DIP2C: variants seen among roughly 807,000 people sequenced by gnomAD.
The protein encoded by DIP2C is DIP2 acetate--CoA ligase C (putative).
DIP2C carries 33 observed loss-of-function variants against 192.4 expected under a neutral mutation model. The observed-to-expected ratio is 0.17, with a 90% CI of 0.13 to 0.23. DIP2C has a LOEUF of 0.23. Among genes scored for constraint, DIP2C ranks in the 10% least tolerant of loss-of-function variants. DIP2C has a pLI of 1.00. For missense variants in DIP2C, 1,537 were observed against 2,110.1 expected (o/e 0.73, Z 5.32); for synonymous variants, 979 against 864.1 (o/e 1.13, Z -2.33).
At chr10:332,131 T>C (rs1957535458) in intron 29 of DIP2C, among the ~76,000 whole-genome samples, 1 of 152,126 alleles carries the variant, frequency 6.6e-6, no homozygotes, top group Non-Finnish European at 1.5e-5. Context: ...AAAACTTTTT[T>C]TGTGGAGATG....
chr10:579,558 G>A (rs1231803737), intron 1 of DIP2C, among the ~76,000 whole-genome samples: 1 of 151,768 alleles, frequency 6.6e-6, no homozygotes, highest in Non-Finnish European at 1.5e-5. Flanking sequence ...TACATACATA[G>A]GTACACTATA....
intron 2 of DIP2C, among the ~76,000 whole-genome samples, chr10:472,881 C>CA (rs991509689): frequency 2.0e-5 from 3 of 152,312 alleles, no homozygotes; most frequent in Admixed American, 6.5e-5. Context: ...GACATAGACT[C>CA]AAGTTATGAC....
chr10:399,341 T>C, intron 9 of DIP2C, 122 bp from the exon 10 acceptor site: 1 of 675,948 alleles, frequency 1.5e-6, no homozygotes, highest in Non-Finnish European at 2.6e-6. Context: ...CTATGTAAAA[T>C]GCATTTCAGT....
At chr10:470,870 G>A (rs545332442) in intron 3 of DIP2C, among the ~76,000 whole-genome samples, 1 of 152,300 alleles carries the variant, frequency 6.6e-6, no homozygotes, top group Admixed American at 6.5e-5. Context: ...TGGCCTCTGT[G>A]AGAACTGAAG....
intron 3 of DIP2C, among the ~76,000 whole-genome samples, chr10:444,313 AC>A (rs1359366579): frequency 8.5e-6 from 1 of 117,272 alleles, no homozygotes; most frequent in East Asian, 2.1e-4. Flanking sequence ...CTGTTCCGTC[AC>A]CCGAGACTCG....
intron 22 of DIP2C, among the ~76,000 whole-genome samples, chr10:358,300 C>T (rs2132691134): frequency 6.6e-6 from 1 of 151,564 alleles, no homozygotes; most frequent in South Asian, 2.1e-4. Context: ...TGTCTCACTG[C>T]AGAGACCTGT....
At chr10:340,838 G>A in intron 29 of DIP2C, 1 of 462,988 alleles carries the variant, frequency 2.2e-6, no homozygotes, top group African/African-American at 2.0e-5. Flanking sequence ...TGAGGGAGGT[G>A]ACAGCCTGCA....
intron 1 of DIP2C, among the ~76,000 whole-genome samples, chr10:579,075 A>G (rs1850385384): frequency 6.6e-6 from 1 of 152,194 alleles, no homozygotes; most frequent in African/African-American, 2.4e-5. Context: ...GTGTATGTGC[A>G]TAGAGCATAC....
At chr10:515,118 T>C (rs978881533) in intron 1 of DIP2C, among the ~76,000 whole-genome samples, 2 of 152,210 alleles carry the variant, frequency 1.3e-5, no homozygotes, top group African/African-American at 4.8e-5. Flanking sequence ...TACATAACTA[T>C]CCAAAATGCC....
intron 1 of DIP2C, chr10:631,206 A>C (rs550048491): frequency 6.6e-6 from 1 of 152,272 alleles, no homozygotes; most frequent in Non-Finnish European, 1.5e-5. Flanking sequence ...TCACATAATT[A>C]AATTATTTTA....
intron 1 of DIP2C, among the ~76,000 whole-genome samples, chr10:529,103 G>A (rs1282653524): frequency 1.3e-5 from 2 of 152,132 alleles, no homozygotes; most frequent in Admixed American, 6.5e-5. Flanking sequence ...TCCCAGGAGT[G>A]GGGCAGATCC....
chr10:606,154 A>C (rs118191343), intron 1 of DIP2C, among the ~76,000 whole-genome samples: 3,111 of 152,328 alleles, frequency 0.02, 49 homozygotes, highest in Non-Finnish European at 0.034. Flanking sequence ...CTGGGTTCTA[A>C]GTTGTCCTCA....
intron 3 of DIP2C, among the ~76,000 whole-genome samples, chr10:452,557 C>T (rs529045539): frequency 3.3e-5 from 5 of 152,172 alleles, no homozygotes; most frequent in South Asian, 2.1e-4. Flanking sequence ...AAGGAGCATC[C>T]GGCCACTAAC....
chr10:484,597 C>G (rs1444514480), intron 2 of DIP2C, among the ~76,000 whole-genome samples: 1 of 152,216 alleles, frequency 6.6e-6, no homozygotes. Flanking sequence ...GGCCCTGATT[C>G]ACAGGGACAG....
At chr10:339,655 T>A (rs906728691) in intron 29 of DIP2C, among the ~76,000 whole-genome samples, 6 of 152,158 alleles carry the variant, frequency 3.9e-5, no homozygotes, top group Admixed American at 3.9e-4. Flanking sequence ...GCTTGGCGCA[T>A]ATACCTGAGG....
At chr10:407,894 T>C (rs758426398) in intron 9 of DIP2C, among the ~76,000 whole-genome samples, 2 of 152,240 alleles carry the variant, frequency 1.3e-5, no homozygotes, top group Non-Finnish European at 2.9e-5. Flanking sequence ...ACTCTCTTGA[T>C]AGTACTCTTT....
intron 28 of DIP2C, among the ~76,000 whole-genome samples, chr10:343,815 C>T (rs1021396042): frequency 3.9e-5 from 6 of 152,150 alleles, no homozygotes; most frequent in African/African-American, 7.2e-5. Flanking sequence ...TACTAAATAC[C>T]GAGAGCTTGT....
At chr10:401,726 G>C (rs555674170) in intron 9 of DIP2C, among the ~76,000 whole-genome samples, 118 of 147,038 alleles carry the variant, frequency 8.0e-4, no homozygotes, top group East Asian at 5.4e-3. Context: ...GTGTTCCTCA[G>C]CACATGAATC....
rs1263364617 is a variant in DIP2C at position 327,151 on chromosome 10, A to G, written c.3779T>C (p.Val1260Ala). ...TTCCGCCACAACCACGCAGGTCCTCACTCGGGACAAGTCCAGCCCTCGCGC... is the reference window on the plus strand; with the variant it reads ...TTCCGCCACAACCACGCAGGTCCTCGCTCGGGACAAGTCCAGCCCTCGCGC... ...LKARGLDLSR[V>A]RTCVVVAEER... The change falls in exon 31 of 37, where the codon GTG (valine) becomes GCG (alanine). Residue 1260 changes from valine (V) to alanine (A), a missense_variant. Coordinates refer to ENST00000280886, the MANE Select transcript of DIP2C (RefSeq NM_014974.3). 1 of 1,613,978 alleles carries G rather than the reference A, an allele frequency of 6.2e-7. No homozygotes were observed. Among genetic ancestry groups the G allele is most frequent in the South Asian group, 1.1e-5 (1 of 91,082 alleles).
Sources: allele counts gnomAD v4.1 joint callset (sites outside exome capture counted in the v4.1 genomes callset), GRCh38; gene constraint gnomAD v4.1.1; transcripts MANE v1.5; gene names NCBI Gene and HGNC (gene_info 2026-07-23, HGNC 2026-07-21).